URB1: variants seen among roughly 807,000 people sequenced by gnomAD.
URB1 encodes the protein nucleolar pre-ribosomal-associated protein 1.
Under a neutral mutation model 242.3 loss-of-function variants are expected in URB1, and 197 were observed. The observed-to-expected ratio is 0.81, with a 90% CI of 0.72 to 0.91. URB1 has a LOEUF of 0.91. Among genes scored for constraint, URB1 ranks in the 40% least tolerant of loss-of-function variants. The pLI is 0.00. For synonymous variants in URB1, 1,153 were observed against 1,201.8 expected (o/e 0.96, Z 0.84); for missense variants, 2,721 against 2,860.5 (o/e 0.95, Z 1.11).
In URB1 at chr21:32,372,554, G is replaced by T; in HGVS notation, c.954C>A (p.Leu318=). ...HNFLMDLCCS[L]KHGINFYDAS... The stretch of plus-strand genomic sequence containing the variant: ...CATCGTAAAAATTAATTCCATGCTT[G>T]AGTGAACAGCAAAGATCCATCAGGA... Residue 318 remains leucine (L), a synonymous_variant, in exon 8 of 39, where the codon CTC becomes CTA. Coordinates refer to ENST00000382751, the MANE Select transcript of URB1 (RefSeq NM_014825.3). The T allele has an allele frequency of 6.4e-7, 1 of 1,551,634 alleles. No individual in the cohort carries two copies.
chr21:32,320,746 C>T (rs1415511109), intron 34 of URB1, 106 bp from the exon 35 acceptor site: 5 of 833,352 alleles, frequency 6.0e-6, no homozygotes, highest in Non-Finnish European at 9.6e-6. Flanking sequence ...CAGGTGGTGG[C>T]TGCAAATGAA....
chr21:32,377,218 T>A, intron 5 of URB1: 1 of 519,136 alleles, frequency 1.9e-6, no homozygotes, highest in Non-Finnish European at 3.8e-6. Flanking sequence ...GCCAGCAGCC[T>A]ACGGGAACAG....
chr21:32,363,374 C>A, intron 10 of URB1, 45 bp from the exon 11 acceptor site: 1 of 1,534,654 alleles, frequency 6.5e-7, no homozygotes, highest in South Asian at 1.2e-5. Context: ...CTAGGATACA[C>A]AGATTTGCTA....
intron 5 of URB1, among the ~76,000 whole-genome samples, chr21:32,376,867 C>G (rs2033465198): frequency 6.6e-6 from 1 of 152,004 alleles, no homozygotes; most frequent in Non-Finnish European, 1.5e-5. Context: ...ACTATGTTGT[C>G]CAGGATGGTC....
At chr21:32,316,063 GCATGCA>G (rs983763048) in intron 38 of URB1, among the ~76,000 whole-genome samples, 46 of 152,318 alleles carry the variant, frequency 3.0e-4, no homozygotes, top group Admixed American at 2.0e-3. Flanking sequence ...ACACACACGC[GCATGCA>G]CATGCACATG....
rs773925606 is a variant in URB1, at chr21:32,311,984, A to G, written c.*2934T>C. ...CTCCCCCTGGAGACAGGACCTCTCA[A>G]TTGCAGAGCTGATGTCAGTAAATCG... On this transcript the variant is annotated 3_prime_UTR_variant, in exon 39 of 39. Transcript: ENST00000382751. 6 of 1,613,264 alleles carry G rather than the reference A, an allele frequency of 3.7e-6. No homozygotes were observed. Among genetic ancestry groups the G allele is most frequent in the Non-Finnish European group, 5.1e-6 (6 of 1,180,020 alleles).
In URB1 at chr21:32,387,600, C is replaced by CAAA. The variant is rs764839350; in HGVS notation, c.143-1919_143-1917dup. Among the ~76,000 whole-genome samples, 170 of 124,672 alleles carry CAAA rather than the reference C, an allele frequency of 1.4e-3. 1 individual carries two copies. The highest frequency in any genetic ancestry group is 1.6e-3 in the African/African-American group (52 of 32,590). 81.8% of individuals were successfully genotyped at this position (124,672 alleles called of 152,430 possible). On this transcript the variant is annotated intron_variant, in intron 1 of 38. Transcript: ENST00000382751. ...TGGGGAGTGAAGACTTCACCTTATTCAAAAAAAAAAAAAAAAAAAGCAGAG... is the reference window on the plus strand; with the variant it reads ...TGGGGAGTGAAGACTTCACCTTATTCAAAAAAAAAAAAAAAAAAAAAAGCAGAG...
At position 32,354,944 on chromosome 21, in the gene URB1, G is replaced by C; in HGVS notation, c.2160C>G (p.Asp720Glu). 1.3e-6 allele frequency: 2 copies of C among 1,552,328 alleles called. No individual in the cohort carries two copies. Among genetic ancestry groups the C allele is most frequent in the Non-Finnish European group, 1.7e-6 (2 of 1,147,136 alleles). ...NPYSYTDKAS[D>E]FVQEASMLQA... The stretch of plus-strand genomic sequence containing the variant: ...GCAGCATGCTTGCTTCTTGGACAAA[G>C]TCAGATGCTTTGTCTGTGTATGAAT... Residue 720 changes from aspartate to glutamate, a missense_variant, in exon 17 of 39, where the codon GAC becomes GAG. Physicochemically the swap from Asp to Glu is conservative, Grantham distance 45. Transcript: ENST00000382751.
At position 32,314,871 on chromosome 21, in the gene URB1, T is replaced by C; in HGVS notation, c.*47A>G. On this transcript the variant is annotated 3_prime_UTR_variant, in exon 39 of 39. Coordinates refer to ENST00000382751, the MANE Select transcript of URB1 (RefSeq NM_014825.3). ...ACCAAACTTCTAGAAGCTGGTGCTG[T>C]GCTCGAGGCTCTGGTCATCAGGGTG... 1 of 1,531,006 alleles carries C rather than the reference T, an allele frequency of 6.5e-7. No homozygotes were observed. The highest frequency in any genetic ancestry group is 8.8e-7 in the Non-Finnish European group (1 of 1,135,780). The allele number at this position is 1,531,006 out of a possible 1,614,324, so 94.8% of individuals were successfully genotyped here.
rs925565435 is a variant in URB1 at position 32,372,565 on chromosome 21, A to G, written c.943T>C (p.Cys315Arg). Residue 315 changes from cysteine (C) to arginine (R), a missense_variant, in exon 8 of 39, where the codon TGC becomes CGC. Cys to Arg is a radical substitution (Grantham distance 180, BLOSUM62 -3). Transcript: ENST00000382751. Reference sequence around the variant, plus strand: ...TTAATTCCATGCTTGAGTGAACAGCAAAGATCCATCAGGAAGTTATGAACA... The same window carrying G: ...TTAATTCCATGCTTGAGTGAACAGCGAAGATCCATCAGGAAGTTATGAACA... ...ELVHNFLMDL[C>R]CSLKHGINFY... The G allele has an allele frequency of 1.3e-6, 2 of 1,551,588 alleles. No homozygotes were observed. Among genetic ancestry groups the G allele is most frequent in the African/African-American group, 1.4e-5 (1 of 73,052 alleles).
At chr21:32,365,466 A>AT (rs2033336973) in intron 10 of URB1, among the ~76,000 whole-genome samples, 1 of 151,974 alleles carries the variant, frequency 6.6e-6, no homozygotes, top group South Asian at 2.1e-4. Flanking sequence ...AGAAAAAAAA[A>AT]TTTTAATAAA....
chr21:32,378,327 A>T (rs775234568), intron 5 of URB1, 118 bp downstream of exon 5: 8 of 874,732 alleles, frequency 9.1e-6, no homozygotes, highest in Non-Finnish European at 1.5e-5. Context: ...ACATCCTTCA[A>T]TCTGGTGTAC....
chr21:32,354,440 C>CCAGA (rs1324788957), intron 17 of URB1, among the ~76,000 whole-genome samples: 2 of 152,140 alleles, frequency 1.3e-5, no homozygotes, highest in African/African-American at 4.8e-5. Flanking sequence ...AAAGCACAGG[C>CCAGA]CAGAGCCAGA....
intron 25 of URB1, among the ~76,000 whole-genome samples, chr21:32,341,252 A>G (rs1224877265): frequency 6.6e-6 from 1 of 152,218 alleles, no homozygotes; most frequent in East Asian, 1.9e-4. Flanking sequence ...TATTTCTTTA[A>G]ATAGTTCTTT....
At chr21:32,386,993 G>A (rs1318403626) in intron 1 of URB1, among the ~76,000 whole-genome samples, 1 of 152,136 alleles carries the variant, frequency 6.6e-6, no homozygotes, top group Non-Finnish European at 1.5e-5. Context: ...TGTCCGTGCT[G>A]CACCTGGCCC....
intron 24 of URB1, among the ~76,000 whole-genome samples, chr21:32,342,110 G>T (rs1456393712): frequency 1.3e-5 from 2 of 152,048 alleles, no homozygotes; most frequent in African/African-American, 4.8e-5. Flanking sequence ...CAGCATAATT[G>T]TGTTTATCAA....
intron 32 of URB1, among the ~76,000 whole-genome samples, chr21:32,322,990 G>A (rs1046370643): frequency 6.6e-6 from 1 of 152,198 alleles, no homozygotes; most frequent in South Asian, 2.1e-4. Flanking sequence ...GTCACAGCGG[G>A]GGAGGCTCAG....
intron 25 of URB1, among the ~76,000 whole-genome samples, chr21:32,340,327 G>A (rs951747990): frequency 2.6e-4 from 39 of 152,100 alleles, no homozygotes; most frequent in Admixed American, 2.0e-4. Context: ...GTGCAAATTC[G>A]CTGGCCGGGC....
At chr21:32,322,631 GC>G in intron 32 of URB1, 47 bp from the exon 33 acceptor site, 2 of 1,419,392 alleles carry the variant, frequency 1.4e-6, no homozygotes, top group South Asian at 1.2e-5. Flanking sequence ...CCAGCAGGAC[GC>G]CCCCTGGTCT....
Sources: gnomAD v4.1 joint callset for allele counts (sites outside exome capture counted in the v4.1 genomes callset) on GRCh38, gnomAD v4.1.1 for gene constraint, MANE v1.5 for transcripts, NCBI Gene and HGNC (gene_info 2026-07-23, HGNC 2026-07-21) for gene names.